Variants in PTPRD observed in about 807,000 individuals in gnomAD.
PTPRD encodes receptor-type tyrosine-protein phosphatase delta.
Under a neutral mutation model 214.5 loss-of-function variants are expected in PTPRD, and 34 were observed. The observed-to-expected ratio is 0.16, with a 90% CI of 0.12 to 0.21. PTPRD has a LOEUF of 0.21. Among genes scored for constraint, PTPRD ranks in the 10% least tolerant of loss-of-function variants. PTPRD has a pLI of 1.00. For synonymous variants in PTPRD, 1,128 were observed against 845.7 expected (o/e 1.33, Z -5.79); for missense variants, 2,545 against 2,398.7 (o/e 1.06, Z -1.27).
intron 5 of PTPRD, among the ~76,000 whole-genome samples, chr9:9,899,358 CAAAATAA>C (rs1235948631): frequency 6.6e-6 from 1 of 151,846 alleles, no homozygotes; most frequent in African/African-American, 2.4e-5. Context: ...AACTCAATAG[CAAAATAA>C]TAATAATTTA....
intron 14 of PTPRD, among the ~76,000 whole-genome samples, chr9:8,619,629 C>G (rs1328733009): frequency 1.3e-5 from 2 of 151,914 alleles, no homozygotes; most frequent in Non-Finnish European, 2.9e-5. Flanking sequence ...CTCTTACATC[C>G]CACTCCACCC....
intron 41 of PTPRD, among the ~76,000 whole-genome samples, chr9:8,340,855 C>G (rs1000256132): frequency 1.3e-5 from 2 of 152,044 alleles, no homozygotes; most frequent in African/African-American, 4.8e-5. Flanking sequence ...TTATTAACTA[C>G]TTACATATCC....
intron 9 of PTPRD, among the ~76,000 whole-genome samples, chr9:9,237,788 C>T (rs2099967832): frequency 6.6e-6 from 1 of 152,150 alleles, no homozygotes; most frequent in South Asian, 2.1e-4. Flanking sequence ...TTTCAAATCC[C>T]TGCTATCTAT....
intron 2 of PTPRD, among the ~76,000 whole-genome samples, chr9:10,563,682 T>C (rs2131614275): frequency 6.6e-6 from 1 of 152,002 alleles, no homozygotes; most frequent in East Asian, 1.9e-4. Context: ...TTTTTTTTTA[T>C]CTTTTAAATT....
chr9:8,642,555 T>C (rs936730521), intron 12 of PTPRD, among the ~76,000 whole-genome samples: 9 of 152,178 alleles, frequency 5.9e-5, no homozygotes, highest in African/African-American at 2.2e-4. Flanking sequence ...AAGTCATCTC[T>C]GATCTTTCTT....
At chr9:9,305,930 C>A (rs1956988808) in intron 9 of PTPRD, among the ~76,000 whole-genome samples, 1 of 151,908 alleles carries the variant, frequency 6.6e-6, no homozygotes, top group South Asian at 2.1e-4. Flanking sequence ...CTGCTGAAAC[C>A]TTGATTTTGA....
intron 3 of PTPRD, among the ~76,000 whole-genome samples, chr9:10,315,519 A>G (rs1434912708): frequency 6.6e-6 from 1 of 151,988 alleles, no homozygotes; most frequent in Admixed American, 6.6e-5. Context: ...ATTATATGCA[A>G]TATGACAGTA....
At chr9:8,892,500 A>G (rs2098547920) in intron 11 of PTPRD, among the ~76,000 whole-genome samples, 4 of 151,586 alleles carry the variant, frequency 2.6e-5, no homozygotes, top group Admixed American at 2.6e-4. Context: ...ATATAATAAT[A>G]ATACAAAGTT....
intron 4 of PTPRD, among the ~76,000 whole-genome samples, chr9:9,992,289 TAA>T (rs1187195424): frequency 1.3e-5 from 2 of 152,098 alleles, no homozygotes; most frequent in Non-Finnish European, 2.9e-5. Context: ...GGAATGAAAA[TAA>T]AAAGTTATAA....
At chr9:8,813,081 C>T (rs1179246264) in intron 11 of PTPRD, among the ~76,000 whole-genome samples, 1 of 152,128 alleles carries the variant, frequency 6.6e-6, no homozygotes, top group Non-Finnish European at 1.5e-5. Context: ...TCATGCCTGG[C>T]AGGGCGCTAT....
chr9:8,630,663 T>C (rs2096224512), intron 14 of PTPRD, among the ~76,000 whole-genome samples: 1 of 151,904 alleles, frequency 6.6e-6, no homozygotes, highest in African/African-American at 2.4e-5. Context: ...CATACAAGTA[T>C]ACTTACATAT....
At chr9:10,545,097 A>G (rs1010965406) in intron 2 of PTPRD, among the ~76,000 whole-genome samples, 1 of 152,200 alleles carries the variant, frequency 6.6e-6, no homozygotes, top group South Asian at 2.1e-4. Context: ...TTAAATATGG[A>G]AAGACTTCTA....
intron 9 of PTPRD, among the ~76,000 whole-genome samples, chr9:9,329,944 C>A (rs1174606434): frequency 6.6e-6 from 1 of 152,152 alleles, no homozygotes; most frequent in African/African-American, 2.4e-5. Context: ...AGCTGCTAAT[C>A]CCTGTCATGG....
At chr9:8,538,078 C>A (rs528185006) in intron 14 of PTPRD, among the ~76,000 whole-genome samples, 2 of 152,044 alleles carry the variant, frequency 1.3e-5, no homozygotes, top group African/African-American at 4.8e-5. Flanking sequence ...CAGGGAAACA[C>A]ATTTATTCCC....
At chr9:9,016,018 T>C (rs983760330) in intron 11 of PTPRD, among the ~76,000 whole-genome samples, 2 of 152,068 alleles carry the variant, frequency 1.3e-5, no homozygotes, top group African/African-American at 4.8e-5. Flanking sequence ...CAGCAGGACT[T>C]GAGGAATTTG....
chr9:10,165,839 G>C (rs772625863), intron 3 of PTPRD, among the ~76,000 whole-genome samples: 5 of 150,704 alleles, frequency 3.3e-5, no homozygotes, highest in Non-Finnish European at 5.9e-5. Flanking sequence ...TGTATTTGTA[G>C]AAATCTGAAA....
intron 8 of PTPRD, among the ~76,000 whole-genome samples, chr9:9,444,951 TA>T (rs1276281286): frequency 6.6e-6 from 1 of 152,198 alleles, no homozygotes; most frequent in East Asian, 1.9e-4. Flanking sequence ...TGACCAGTTT[TA>T]ACCTAATTTT....
intron 10 of PTPRD, among the ~76,000 whole-genome samples, chr9:9,131,318 G>C (rs2099842232): frequency 1.3e-5 from 2 of 152,110 alleles, no homozygotes; most frequent in Non-Finnish European, 2.9e-5. Flanking sequence ...TCATTTTGAA[G>C]AATGCATGTC....
chr9:9,003,625 C>T (rs1419280790), intron 11 of PTPRD, among the ~76,000 whole-genome samples: 3 of 151,974 alleles, frequency 2.0e-5, no homozygotes, highest in Non-Finnish European at 4.4e-5. Flanking sequence ...GGCTTTTTAG[C>T]AATAGGCAGT....
Sources: allele counts gnomAD v4.1 joint callset (sites outside exome capture counted in the v4.1 genomes callset), GRCh38; gene constraint gnomAD v4.1.1; transcripts MANE v1.5; gene names NCBI Gene and HGNC (gene_info 2026-07-23, HGNC 2026-07-21).